The following EXPH5 variants were observed in gnomAD, a reference collection of about 807,000 sequenced individuals.
The protein encoded by EXPH5 is exophilin 5.
EXPH5 carries 42 observed loss-of-function variants against 41.1 expected under a neutral mutation model. The ratio of observed to expected loss-of-function variants is 1.02; its 90% confidence interval spans 0.80 to 1.32. The LOEUF is 1.32. Among genes scored for constraint, EXPH5 ranks in the 40% most tolerant of loss-of-function variants. The pLI is 0.00. For synonymous variants in EXPH5, 798 were observed against 833.5 expected (o/e 0.96, Z 0.73); for missense variants, 2,298 against 2,314.5 (o/e 0.99, Z 0.15).
At chr11:108,556,857 C>T (rs2093992261) in intron 1 of EXPH5, among the ~76,000 whole-genome samples, 1 of 152,216 alleles carries the variant, frequency 6.6e-6, no homozygotes, top group Non-Finnish European at 1.5e-5. Context: ...AGCAGCTTCT[C>T]ATCATGCTTA....
chr11:108,527,189 G>A (rs2093805587), intron 4 of EXPH5, among the ~76,000 whole-genome samples: 1 of 152,036 alleles, frequency 6.6e-6, no homozygotes, highest in Non-Finnish European at 1.5e-5. Flanking sequence ...GTGTGGTGGT[G>A]AGGGCCTGCA....
chr11:108,575,937 G>C (rs1011935038), intron 1 of EXPH5, among the ~76,000 whole-genome samples: 1 of 152,176 alleles, frequency 6.6e-6, no homozygotes, highest in African/African-American at 2.4e-5. Flanking sequence ...ACTCCAGCCT[G>C]GGCGACAGAA....
chr11:108,573,122 A>G (rs1017472817), intron 1 of EXPH5, among the ~76,000 whole-genome samples: 2 of 147,452 alleles, frequency 1.4e-5, no homozygotes, highest in Non-Finnish European at 3.0e-5. Flanking sequence ...AGAAAAAGAA[A>G]AGAAGGAAGG....
intron 1 of EXPH5, among the ~76,000 whole-genome samples, chr11:108,566,030 A>G (rs1469708061): frequency 6.6e-6 from 1 of 152,244 alleles, no homozygotes; most frequent in Non-Finnish European, 1.5e-5. Context: ...GGATGATATG[A>G]AGACACTAGG....
chr11:108,512,222 G>T lies in EXPH5; in HGVS notation c.3285C>A (p.Ala1095=). 6.2e-7 allele frequency: 1 copy of T among 1,607,750 alleles called. No individual in the cohort carries two copies. The highest frequency in any genetic ancestry group is 8.5e-7 in the Non-Finnish European group (1 of 1,178,056). ...TTTTTACATTTGTCATTCTCTCTGT[G>T]GCTTCAGGTGCTTCCAGGGCTGAGT... ...LSDSALEAPE[A]TERMTNVKSS... Residue 1095 remains alanine, a synonymous_variant, in exon 6 of 6, where the codon GCC becomes GCA. Transcript: ENST00000265843.
At chr11:108,540,162 A>C (rs916352582) in intron 2 of EXPH5, among the ~76,000 whole-genome samples, 2 of 152,044 alleles carry the variant, frequency 1.3e-5, no homozygotes, top group African/African-American at 4.8e-5. Context: ...CTCTACTAAA[A>C]ATACAAAAAA....
intron 3 of EXPH5, among the ~76,000 whole-genome samples, chr11:108,535,540 G>A (rs567559143): frequency 3.3e-5 from 5 of 152,166 alleles, no homozygotes; most frequent in Non-Finnish European, 5.9e-5. Context: ...AGTACACAGT[G>A]GGGCATTTGG....
intron 1 of EXPH5, among the ~76,000 whole-genome samples, chr11:108,573,180 GAAAGAAAGAAAGAAAGAAAA>G (rs1314316616): frequency 1.2e-4 from 17 of 144,430 alleles, no homozygotes; most frequent in African/African-American, 3.6e-4. Flanking sequence ...AAGAAAGAAA[GAAAGAAAGAAAGAAAGAAAA>G]AGAAAGAAAG....
chr11:108,508,005 A>AG lies in EXPH5; in HGVS notation c.*1531_*1532insC. On this transcript the variant is annotated 3_prime_UTR_variant, in exon 6 of 6. Coordinates refer to ENST00000265843, the MANE Select transcript of EXPH5 (RefSeq NM_015065.3). ...AAACTCCAACTCTACTAAAAATACC[A>AG]AAAAAAAAAAAAAAAAAAAAAAAAT... 2 of 25,628 alleles carry AG rather than the reference A, an allele frequency of 7.8e-5. No individual in the cohort carries two copies. The highest frequency in any genetic ancestry group is 7.1e-4 in the Admixed American group (2 of 2,828). The allele number at this position is 25,628 out of a possible 1,614,324, so 1.6% of individuals were successfully genotyped here.
intron 1 of EXPH5, among the ~76,000 whole-genome samples, chr11:108,559,659 C>T (rs1383545637): frequency 6.6e-6 from 1 of 152,182 alleles, no homozygotes; most frequent in Non-Finnish European, 1.5e-5. Flanking sequence ...CCTTCATTTT[C>T]ATTAATAAGA....
chr11:108,569,511 T>TAAA, intron 1 of EXPH5, among the ~76,000 whole-genome samples: 1 of 152,132 alleles, frequency 6.6e-6, no homozygotes, highest in South Asian at 2.1e-4. Context: ...GGCTAATTTT[T>TAAA]GTATTTTGAG....
At chr11:108,524,153 T>G (rs1418956125) in intron 4 of EXPH5, among the ~76,000 whole-genome samples, 1 of 152,208 alleles carries the variant, frequency 6.6e-6, no homozygotes, top group Non-Finnish European at 1.5e-5. Context: ...GTGTAGTGGT[T>G]AAGCACATGA....
chr11:108,510,378 G>A lies in EXPH5; in HGVS notation c.5129C>T (p.Pro1710Leu), dbSNP rs763815499. Residue 1710 changes from proline (P) to leucine (L), a missense_variant, in exon 6 of 6, where the codon CCA (proline) becomes CTA (leucine). Physicochemically the swap from Pro to Leu is moderately conservative, Grantham distance 98 (BLOSUM62 -3). Coordinates refer to ENST00000265843, the MANE Select transcript of EXPH5 (RefSeq NM_015065.3). ...GTCTTTAGAATTCTCATGCTTTGATGGTGATTCTGAGACGTTTTTAAACTC... is the reference window on the plus strand; with the variant it reads ...GTCTTTAGAATTCTCATGCTTTGATAGTGATTCTGAGACGTTTTTAAACTC... ...QNEFKNVSESPSKHENSKDVT... is the reference protein window; with the variant it reads ...QNEFKNVSESLSKHENSKDVT... 8.7e-6 allele frequency: 14 copies of A among 1,613,900 alleles called. No homozygotes were observed. Among genetic ancestry groups the A allele is most frequent in the African/African-American group, 1.3e-5 (1 of 74,908 alleles).
intron 1 of EXPH5, among the ~76,000 whole-genome samples, chr11:108,571,796 C>T (rs997461749): frequency 1.6e-4 from 24 of 152,132 alleles, no homozygotes; most frequent in African/African-American, 4.3e-4. Flanking sequence ...GGCGGTGGCT[C>T]ACGCTTGTAA....
chr11:108,512,632 C>T lies in EXPH5; in HGVS notation c.2875G>A (p.Val959Ile), dbSNP rs756853407. 74 of 1,613,934 alleles carry T rather than the reference C, an allele frequency of 4.6e-5. No individual in the cohort carries two copies. Among genetic ancestry groups the T allele is most frequent in the Non-Finnish European group, 6.0e-5 (71 of 1,180,004 alleles). ...AAAGGAGAGTGTGAATGGCATTTGA[C>T]ATCAACCACTTCATCATGTGTAGGC... Reference protein sequence around the residue: ...PVPTHDEVVDVKCHSHSPFRN... With the variant: ...PVPTHDEVVDIKCHSHSPFRN... The change falls in exon 6 of 6, where the codon GTC becomes ATC. Residue 959 changes from valine to isoleucine, a missense_variant. Val to Ile is a conservative substitution (Grantham distance 29, BLOSUM62 3). Coordinates refer to ENST00000265843, the MANE Select transcript of EXPH5 (RefSeq NM_015065.3).
chr11:108,513,500 A>G lies in EXPH5; in HGVS notation c.2007T>C (p.His669=). 6.2e-7 allele frequency: 1 copy of G among 1,614,142 alleles called. No homozygotes were observed. Among genetic ancestry groups the G allele is most frequent in the African/African-American group, 1.3e-5 (1 of 75,050 alleles). The change falls in exon 6 of 6, where the codon CAT becomes CAC. Residue 669 remains histidine, a synonymous_variant. Transcript: ENST00000265843. ...TGCTGCTGGTCACAGTGACTTCTGTATGGCTTCTCATTGGATGAGAGGCAG... is the reference window on the plus strand; with the variant it reads ...TGCTGCTGGTCACAGTGACTTCTGTGTGGCTTCTCATTGGATGAGAGGCAG... The part of the protein sequence containing the change: ...NKPASHPMRS[H]TEVTVTSSNS...
At position 108,565,903 on chromosome 11, in the gene EXPH5, C is replaced by T. The variant is rs79131643; in HGVS notation, c.120-24091G>A. On this transcript the variant is annotated intron_variant, in intron 1 of 5. Coordinates refer to ENST00000265843, the MANE Select transcript of EXPH5 (RefSeq NM_015065.3). ...TCTTTTGTTTACAATGCCCTTTCTA[C>T]ATATTCTTTGTCACACGATCTAACT... 2.4e-4 allele frequency among the ~76,000 whole-genome samples: 36 copies of T among 152,346 alleles called. No individual in the cohort carries two copies. In the East Asian group the frequency reaches 6.2e-3, roughly 26 times the overall value.
rs377172793 is a variant in EXPH5, at chr11:108,514,854, T to C, written c.653A>G (p.Lys218Arg). Reference protein sequence around the residue: ...FFQVLDDLDSKLAQEQSASSV... With the variant: ...FFQVLDDLDSRLAQEQSASSV... Reference sequence around the variant, plus strand: ...GCTTGCAGACTGTTCCTGAGCCAATTTGCTATCCAAGTCATCTAAAACTGA... The same window carrying C: ...GCTTGCAGACTGTTCCTGAGCCAATCTGCTATCCAAGTCATCTAAAACTGA... The change falls in exon 6 of 6, where the codon AAA becomes AGA. Residue 218 changes from lysine to arginine, a missense_variant. Coordinates refer to ENST00000265843, the MANE Select transcript of EXPH5 (RefSeq NM_015065.3). The C allele has an allele frequency of 5.4e-6, 8 of 1,476,100 alleles. No homozygotes were observed. Among genetic ancestry groups the C allele is most frequent in the Non-Finnish European group, 6.3e-6 (7 of 1,116,484 alleles). The allele number at this position is 1,476,100 out of a possible 1,614,324, so 91.4% of individuals were successfully genotyped here.
At chr11:108,524,862 G>A (rs2093787650) in intron 4 of EXPH5, among the ~76,000 whole-genome samples, 1 of 152,212 alleles carries the variant, frequency 6.6e-6, no homozygotes, top group African/African-American at 2.4e-5. Flanking sequence ...ATTACTGAGT[G>A]TTCAGTTTGT....
Sources: gnomAD v4.1 joint callset for allele counts (sites outside exome capture counted in the v4.1 genomes callset) on GRCh38, gnomAD v4.1.1 for gene constraint, MANE v1.5 for transcripts, NCBI Gene and HGNC (gene_info 2026-07-23, HGNC 2026-07-21) for gene names.